The following MAML2 variants were observed in gnomAD, a reference collection of about 807,000 sequenced individuals.
MAML2 encodes the protein mastermind like transcriptional coactivator 2, also known as mastermind-like protein 2.
Under a neutral mutation model 96.1 loss-of-function variants are expected in MAML2, and 22 were observed. The observed-to-expected ratio is 0.23, with a 90% confidence interval of 0.16 to 0.33. The LOEUF (loss-of-function observed/expected upper bound fraction) is 0.33, where lower values mean the gene tolerates loss of function less well. Ranked by LOEUF, MAML2 falls within the 10% of genes least tolerant of loss-of-function variation. MAML2 has a pLI of 1.00. For missense variants in MAML2, 1,367 were observed against 1,392.4 expected (o/e 0.98, Z 0.29); for synonymous variants, 561 against 521.3 (o/e 1.08, Z -1.04).
At chr11:96,090,033 C>T (rs1317567963) in intron 2 of MAML2, among the ~76,000 whole-genome samples, 1 of 55,138 alleles carries the variant, frequency 1.8e-5, no homozygotes, top group Non-Finnish European at 4.3e-5. Context: ...GCATTTCCCT[C>T]ATACGGATGA....
chr11:96,186,738 G>T (rs187360471), intron 1 of MAML2, among the ~76,000 whole-genome samples: 1 of 152,186 alleles, frequency 6.6e-6, no homozygotes, highest in Admixed American at 6.5e-5. Flanking sequence ...ATGAGAAACC[G>T]ATAGAGAGAG....
At chr11:96,011,360 A>G (rs757509420) in intron 2 of MAML2, among the ~76,000 whole-genome samples, 1 of 152,252 alleles carries the variant, frequency 6.6e-6, no homozygotes, top group African/African-American at 2.4e-5. Context: ...AATATGGTAC[A>G]TATACACCAT....
In MAML2 at chr11:96,271,708, C is replaced by T. The variant is rs11823238; in HGVS notation, c.513+69675G>A. On this transcript the variant is annotated intron_variant, in intron 1 of 4. Transcript: ENST00000524717. ...CTGAGGCCTCCTCAGCCCTGCTCAA[C>T]TGTGAGTCAAATAAACCTCTTTATA... Among the ~76,000 whole-genome samples, 1,096 of 149,634 alleles carry T rather than the reference C, an allele frequency of 7.3e-3. 17 individuals are homozygous for T. Among genetic ancestry groups the T allele is most frequent in the African/African-American group, 0.026 (1,038 of 40,400 alleles).
intron 1 of MAML2, among the ~76,000 whole-genome samples, chr11:96,208,609 G>GT (rs1203058116): frequency 2.0e-5 from 3 of 152,168 alleles, no homozygotes; most frequent in African/African-American, 4.8e-5. Flanking sequence ...TGAATTTTGA[G>GT]TTTGTTAACT....
chr11:96,252,661 T>G (rs947065513), intron 1 of MAML2, among the ~76,000 whole-genome samples: 1 of 152,084 alleles, frequency 6.6e-6, no homozygotes, highest in Non-Finnish European at 1.5e-5. Flanking sequence ...GACAGGCTTA[T>G]GAGGCAGGAG....
At chr11:96,053,002 A>T (rs1590983661) in intron 2 of MAML2, among the ~76,000 whole-genome samples, 2 of 152,348 alleles carry the variant, frequency 1.3e-5, no homozygotes, top group South Asian at 2.1e-4. Flanking sequence ...TACATTTCAC[A>T]GAACAAACCA....
chr11:96,236,208 T>C (rs1862365256), intron 1 of MAML2, among the ~76,000 whole-genome samples: 1 of 152,218 alleles, frequency 6.6e-6, no homozygotes. Context: ...ACATATGACA[T>C]AAAGCTGCCA....
At position 96,033,769 on chromosome 11, in the gene MAML2, G is replaced by T. The variant is rs182460263; in HGVS notation, c.2140-42046C>A. Among the ~76,000 whole-genome samples the T allele has an allele frequency of 1.1e-3, 164 of 152,208 alleles. 3 individuals are homozygous for T. The highest frequency in any genetic ancestry group is 6.5e-3 in the Admixed American group (100 of 15,278). On this transcript the variant is annotated intron_variant, in intron 2 of 4. Transcript: ENST00000524717. ...ATGTGAAACCTTCCAGGTTGCATTG[G>T]CTGGGTTTCATCTCTCATCACGAGA...
chr11:95,991,801 G>T, intron 2 of MAML2, 78 bp from the exon 3 acceptor site: 1 of 1,072,518 alleles, frequency 9.3e-7, no homozygotes, highest in Non-Finnish European at 1.4e-6. Flanking sequence ...CATACACTCA[G>T]ATTCCAAACA....
chr11:96,062,858 A>T (rs558527536), intron 2 of MAML2, among the ~76,000 whole-genome samples: 55 of 152,224 alleles, frequency 3.6e-4, no homozygotes, highest in African/African-American at 1.3e-3. Context: ...TTCTGCCGCC[A>T]TGAGATTATA....
chr11:96,009,984 G>C (rs1006049964), intron 2 of MAML2, among the ~76,000 whole-genome samples: 5 of 152,180 alleles, frequency 3.3e-5, no homozygotes, highest in African/African-American at 1.2e-4. Flanking sequence ...ATGTTCCTTA[G>C]AGGGTTGCAG....
chr11:96,250,285 TG>T (rs1249959062), intron 1 of MAML2, among the ~76,000 whole-genome samples: 4 of 105,826 alleles, frequency 3.8e-5, no homozygotes, highest in Non-Finnish European at 7.9e-5. Flanking sequence ...TTTTTTAAAT[TG>T]AAAAAAATGT....
intron 1 of MAML2, among the ~76,000 whole-genome samples, chr11:96,245,056 T>C (rs1862492082): frequency 6.6e-6 from 1 of 152,150 alleles, no homozygotes; most frequent in Non-Finnish European, 1.5e-5. Context: ...AAAAAGCCAA[T>C]GCAACTGATA....
intron 1 of MAML2, among the ~76,000 whole-genome samples, chr11:96,212,166 A>G (rs1461536430): frequency 7.0e-6 from 1 of 142,488 alleles, no homozygotes; most frequent in Non-Finnish European, 1.5e-5. Context: ...GGGGACTCGT[A>G]ATCTCATTTG....
chr11:96,076,845 A>G (rs369839870), intron 2 of MAML2, among the ~76,000 whole-genome samples: 8 of 152,310 alleles, frequency 5.3e-5, no homozygotes, highest in African/African-American at 1.9e-4. Flanking sequence ...AGCACTTTAC[A>G]TATCAAAATT....
chr11:96,049,326 G>T (rs1256215745), intron 2 of MAML2, among the ~76,000 whole-genome samples: 2 of 152,112 alleles, frequency 1.3e-5, no homozygotes, highest in South Asian at 2.1e-4. Flanking sequence ...ATAAAATGAA[G>T]ATTTCCCTTT....
chr11:96,093,517 G>A lies in MAML2; in HGVS notation c.514C>T (p.Leu172Phe). 6.3e-7 allele frequency: 1 copy of A among 1,585,262 alleles called. No individual in the cohort carries two copies. The highest frequency in any genetic ancestry group is 8.6e-7 in the Non-Finnish European group (1 of 1,165,720). ...GDQRNSALIA[L>F]QGSLKRKQVV... Reference sequence around the variant, plus strand: ...TGTTTTCTTTTCAAGGAACCCTGGAGCTGAAAGACAGAAGGGAATAAAAAG... The same window carrying A: ...TGTTTTCTTTTCAAGGAACCCTGGAACTGAAAGACAGAAGGGAATAAAAAG... Residue 172 changes from leucine to phenylalanine, a missense_variant and splice_region_variant, in exon 2 of 5, where the codon CTC (leucine) becomes TTC (phenylalanine). Leu to Phe is a conservative substitution (Grantham distance 22). Coordinates refer to ENST00000524717, the MANE Select transcript of MAML2 (RefSeq NM_032427.4).
intron 1 of MAML2, among the ~76,000 whole-genome samples, chr11:96,253,635 T>C (rs1862618671): frequency 6.6e-6 from 1 of 152,250 alleles, no homozygotes; most frequent in Non-Finnish European, 1.5e-5. Flanking sequence ...TTTATCTTTC[T>C]CTTTGAGAGA....
intron 1 of MAML2, among the ~76,000 whole-genome samples, chr11:96,185,646 C>T (rs984892788): frequency 1.3e-5 from 2 of 152,194 alleles, no homozygotes; most frequent in African/African-American, 4.8e-5. Context: ...TCAGCCTCTC[C>T]CCCAGACCTG....
Sources: allele counts gnomAD v4.1 joint callset (sites outside exome capture counted in the v4.1 genomes callset), GRCh38; gene constraint gnomAD v4.1.1; transcripts MANE v1.5; gene names NCBI Gene and HGNC (gene_info 2026-07-23, HGNC 2026-07-21).